ATG7: variants seen among roughly 807,000 people sequenced by gnomAD.
ATG7 encodes the protein ubiquitin-like modifier-activating enzyme ATG7.
ATG7 carries 70 observed loss-of-function variants against 82.4 expected under a neutral mutation model. That is an observed-to-expected ratio of 0.85 (90% CI 0.70 to 1.04). The LOEUF is 1.04. ATG7 is among the 50% of genes least tolerant of loss of function. The pLI is 0.00. For missense variants in ATG7, 792 were observed against 864.3 expected, an observed-to-expected ratio of 0.92 and a Z score of 1.05; for synonymous variants, 287 against 313.0, an observed-to-expected ratio of 0.92 and a Z score of 0.88.
At chr3:11,289,713 A>G (rs1318003254) in intron 3 of ATG7, among the ~76,000 whole-genome samples, 1 of 152,104 alleles carries the variant, frequency 6.6e-6, no homozygotes, top group Non-Finnish European at 1.5e-5. Context: ...GCGCCCTGCA[A>G]TGCCCGGCAA....
intron 20 of ATG7, among the ~76,000 whole-genome samples, chr3:11,509,807 T>A (rs546249374): frequency 6.6e-6 from 1 of 152,218 alleles, no homozygotes; most frequent in East Asian, 1.9e-4. Context: ...GCACTCAAAT[T>A]TTCCCTGACT....
chr3:11,574,009 T>C, the ATG7 span, among the ~76,000 whole-genome samples: 1 of 152,102 alleles, frequency 6.6e-6, no homozygotes, highest in African/African-American at 2.4e-5. Context: ...CAACAAGCCA[T>C]GGAATGCCAG....
At chr3:11,417,974 A>AT (rs1345836488) in intron 19 of ATG7, among the ~76,000 whole-genome samples, 2 of 145,148 alleles carry the variant, frequency 1.4e-5, no homozygotes, top group South Asian at 2.2e-4. Context: ...TTCTTGGCTG[A>AT]TTTTTTGTAT....
At position 11,515,131 on chromosome 3, in the gene ATG7, G is replaced by A. The variant is rs1034729912; in HGVS notation, c.2080-39680G>A. On this transcript the variant is annotated intron_variant, in intron 20 of 20. Transcript: ENST00000693202. ...TGGGATTACAGGCATGAGCCACCGC[G>A]CCTGGCCTAGGTTTTAAAATGCTTC... Among the ~76,000 whole-genome samples the A allele has an allele frequency of 3.9e-5, 6 of 152,096 alleles. No homozygotes were observed. The South Asian group carries it at 8.3e-4, about 21-fold the overall frequency.
chr3:11,438,227 A>T (rs896440300), intron 20 of ATG7, among the ~76,000 whole-genome samples: 1 of 152,170 alleles, frequency 6.6e-6, no homozygotes, highest in Non-Finnish European at 1.5e-5. Context: ...TGATTGAAGC[A>T]GCCCTGAGAG....
chr3:11,529,645 C>G (rs985177756), intron 20 of ATG7: 1 of 157,356 alleles, frequency 6.4e-6, no homozygotes, highest in East Asian at 1.7e-4. Flanking sequence ...AATACCACAG[C>G]CTTAAAAATA....
At chr3:11,488,788 T>C (rs2090043673) in intron 20 of ATG7, among the ~76,000 whole-genome samples, 1 of 152,248 alleles carries the variant, frequency 6.6e-6, no homozygotes, top group African/African-American at 2.4e-5. Flanking sequence ...TTTGATGTGC[T>C]GCTGGATTCG....
chr3:11,565,774 C>A, the ATG7 span, among the ~76,000 whole-genome samples: 1 of 152,210 alleles, frequency 6.6e-6, no homozygotes, highest in Non-Finnish European at 1.5e-5. The surrounding 1 kb of genome is among the most constrained non-coding windows in gnomAD (Gnocchi z 4.1). Context: ...TCAGCACCAC[C>A]TCCATCTGAT....
intron 20 of ATG7, among the ~76,000 whole-genome samples, chr3:11,550,033 C>A (rs988123164): frequency 3.9e-5 from 6 of 152,204 alleles, no homozygotes; most frequent in African/African-American, 1.2e-4. Flanking sequence ...TGAAGTTTCT[C>A]TTCCAATCTT....
At chr3:11,378,469 G>A (rs2077604408) in intron 18 of ATG7, among the ~76,000 whole-genome samples, 1 of 150,320 alleles carries the variant, frequency 6.7e-6, no homozygotes. Flanking sequence ...GGTCACCTGA[G>A]GCCAGGAGTT....
In ATG7 at chr3:11,336,036, A is replaced by AT. The variant is rs541306159; in HGVS notation, c.889+2966dup. On this transcript the variant is annotated intron_variant, in intron 11 of 20. Transcript: ENST00000693202. ...CAGGCATGAGCCACTGTGCCCGGTCATTTTTTTTTTTTTTTTTTTTTTTGA... is the reference window on the plus strand; with the variant it reads ...CAGGCATGAGCCACTGTGCCCGGTCATTTTTTTTTTTTTTTTTTTTTTTTGA... 5.2e-3 allele frequency among the ~76,000 whole-genome samples: 582 copies of AT among 111,708 alleles called. 6 individuals are homozygous for AT. The highest frequency in any genetic ancestry group is 7.6e-3 in the South Asian group (27 of 3,562). 73.3% of individuals were successfully genotyped at this position (111,708 alleles called of 152,430 possible).
chr3:11,562,425 C>T (rs2073104508), downstream of ATG7, among the ~76,000 whole-genome samples: 1 of 152,228 alleles, frequency 6.6e-6, no homozygotes, highest in Non-Finnish European at 1.5e-5. Flanking sequence ...GCCCACCCCA[C>T]AGGGCTGCAG....
intron 20 of ATG7, among the ~76,000 whole-genome samples, chr3:11,493,815 AAG>A (rs1420048504): frequency 6.6e-6 from 1 of 152,210 alleles, no homozygotes; most frequent in Non-Finnish European, 1.5e-5. Context: ...GGGCATCACA[AAG>A]AGATTCGGTA....
chr3:11,440,619 C>T (rs759564795), intron 20 of ATG7, among the ~76,000 whole-genome samples: 25 of 146,916 alleles, frequency 1.7e-4, no homozygotes, highest in Non-Finnish European at 3.0e-4. Flanking sequence ...CCACCGCGCC[C>T]GGCCTTTACT....
At position 11,337,602 on chromosome 3, in the gene ATG7, G is replaced by A. The variant is rs183427022; in HGVS notation, c.890-3043G>A. Among the ~76,000 whole-genome samples, 203 of 151,846 alleles carry A rather than the reference G, an allele frequency of 1.3e-3. 2 individuals carry two copies. Among genetic ancestry groups the A allele is most frequent in the Non-Finnish European group, 1.0e-3 (71 of 67,966 alleles). ...TATGTGTTATTTTTTTCATTATTAA[G>A]TTTAAAGGGCATCTAATTTTCTTAG... On this transcript the variant is annotated intron_variant, in intron 11 of 20. Transcript: ENST00000693202.
intron 20 of ATG7, among the ~76,000 whole-genome samples, chr3:11,460,272 A>G (rs1031272756): frequency 2.0e-5 from 3 of 152,188 alleles, no homozygotes; most frequent in Non-Finnish European, 4.4e-5. Context: ...AGGAGCATAC[A>G]TAGGCCATGT....
chr3:11,509,595 TTTTA>T (rs1158566197), intron 20 of ATG7, among the ~76,000 whole-genome samples: 1 of 152,200 alleles, frequency 6.6e-6, no homozygotes, highest in African/African-American at 2.4e-5. Flanking sequence ...GAAGAGTGAT[TTTTA>T]TTTAGTCTCA....
chr3:11,333,425 T>A (rs6781986), intron 11 of ATG7, among the ~76,000 whole-genome samples: 24,303 of 152,196 alleles, frequency 0.16, 2,819 homozygotes, highest in South Asian at 0.35. Context: ...GATGAAGTAT[T>A]AATGCACTTA....
At chr3:11,537,118 G>A (rs1023009753) in intron 20 of ATG7, among the ~76,000 whole-genome samples, 6 of 151,882 alleles carry the variant, frequency 4.0e-5, no homozygotes, top group African/African-American at 4.8e-5. Context: ...TCAGCCCCCC[G>A]GAGCCCCTGG....
Sources: gnomAD v4.1 joint callset for allele counts (sites outside exome capture counted in the v4.1 genomes callset) on GRCh38, gnomAD v4.1.1 for gene constraint, Gnocchi (gnomAD v3.1) non-coding constraint, MANE v1.5 for transcripts, NCBI Gene and HGNC (gene_info 2026-07-23, HGNC 2026-07-21) for gene names.